RABGAP1: variants seen among roughly 807,000 people sequenced by gnomAD.
The protein encoded by RABGAP1 is RAB GTPase activating protein 1, also known as rab GTPase-activating protein 1.
A neutral mutation model predicts 137.6 loss-of-function variants in RABGAP1; 23 were observed. That is an observed-to-expected ratio of 0.17 (90% CI 0.12 to 0.24). RABGAP1 has a LOEUF of 0.24. Among genes scored for constraint, RABGAP1 ranks in the 10% least tolerant of loss-of-function variants. The pLI, the probability that RABGAP1 is intolerant of heterozygous loss-of-function variation, is 1.00. For synonymous variants in RABGAP1, 451 were observed against 450.7 expected (o/e 1.00, Z -0.01); for missense variants, 906 against 1,275.8 (o/e 0.71, Z 4.42).
intron 13 of RABGAP1, among the ~76,000 whole-genome samples, chr9:123,053,345 A>G (rs2033566749): frequency 6.6e-6 from 1 of 152,158 alleles, no homozygotes; most frequent in Admixed American, 6.5e-5. Context: ...TTCCAAACAT[A>G]TGAAATGAAA....
chr9:123,079,995 A>G (rs934096683), intron 19 of RABGAP1, among the ~76,000 whole-genome samples: 19 of 152,198 alleles, frequency 1.2e-4, no homozygotes, highest in African/African-American at 4.6e-4. Flanking sequence ...GAATAAATAC[A>G]CTGTTGAGTG....
chr9:123,027,344 G>A (rs111387543), intron 13 of RABGAP1, among the ~76,000 whole-genome samples: 4 of 152,152 alleles, frequency 2.6e-5, no homozygotes, highest in Non-Finnish European at 2.9e-5. Context: ...TCGATCTCTT[G>A]ACCTTGTGAT....
chr9:122,992,173 A>G (rs1378314748), intron 6 of RABGAP1, among the ~76,000 whole-genome samples: 2 of 151,900 alleles, frequency 1.3e-5, no homozygotes, highest in Non-Finnish European at 2.9e-5. Context: ...AGTAGCTGGG[A>G]TTACAAGCAT....
intron 2 of RABGAP1, among the ~76,000 whole-genome samples, chr9:122,969,018 C>G (rs1835326798): frequency 6.6e-6 from 1 of 152,100 alleles, no homozygotes; most frequent in Non-Finnish European, 1.5e-5. Flanking sequence ...TCATCTTTAC[C>G]AGAAAGAAAT....
intron 13 of RABGAP1, among the ~76,000 whole-genome samples, chr9:123,051,629 A>G (rs188229109): frequency 3.0e-3 from 451 of 152,130 alleles, no homozygotes; most frequent in African/African-American, 0.01. Flanking sequence ...TGTTTTTCAT[A>G]AACACTGAGC....
chr9:123,082,253 A>G (rs950843802), intron 19 of RABGAP1, among the ~76,000 whole-genome samples: 2 of 152,120 alleles, frequency 1.3e-5, no homozygotes, highest in African/African-American at 2.4e-5. Flanking sequence ...CTAAACTAAA[A>G]TTTAACAGTG....
At chr9:123,006,555 C>T (rs532758772) in intron 10 of RABGAP1, among the ~76,000 whole-genome samples, 2 of 152,190 alleles carry the variant, frequency 1.3e-5, no homozygotes, top group South Asian at 4.1e-4. Flanking sequence ...ATATTCTGTT[C>T]CTCTGGTCTT....
intron 13 of RABGAP1, among the ~76,000 whole-genome samples, chr9:123,041,955 A>T (rs968733106): frequency 3.3e-5 from 5 of 152,196 alleles, no homozygotes; most frequent in Middle Eastern, 6.8e-3. Flanking sequence ...TCCCCATCCC[A>T]CCTGAATCCC....
chr9:123,003,532 T>TA (rs1295896828), intron 10 of RABGAP1, among the ~76,000 whole-genome samples: 1 of 152,238 alleles, frequency 6.6e-6, no homozygotes, highest in Non-Finnish European at 1.5e-5. Flanking sequence ...ATATACAACA[T>TA]ACAGCATTTC....
At chr9:123,037,749 A>C (rs549203133) in intron 13 of RABGAP1, among the ~76,000 whole-genome samples, 1 of 152,184 alleles carries the variant, frequency 6.6e-6, no homozygotes, top group African/African-American at 2.4e-5. Context: ...GTTGGGAGAG[A>C]GGAGATGCTC....
At chr9:122,993,308 G>C (rs887295568) in intron 6 of RABGAP1, among the ~76,000 whole-genome samples, 2 of 152,020 alleles carry the variant, frequency 1.3e-5, no homozygotes, top group East Asian at 1.9e-4. Flanking sequence ...TTTTCCTCTT[G>C]TCACTCAGGC....
chr9:123,090,913 T>TAA (rs1187517900), intron 21 of RABGAP1, among the ~76,000 whole-genome samples: 1 of 152,240 alleles, frequency 6.6e-6, no homozygotes, highest in African/African-American at 2.4e-5. Context: ...AACCCTTTTC[T>TAA]ATTTTCTGTA....
At chr9:123,091,958 A>G (rs1406479499) in intron 21 of RABGAP1, among the ~76,000 whole-genome samples, 4 of 152,082 alleles carry the variant, frequency 2.6e-5, no homozygotes, top group Admixed American at 2.6e-4. Context: ...GTGTACATGG[A>G]GCAGGGACTA....
intron 2 of RABGAP1, among the ~76,000 whole-genome samples, chr9:122,959,159 A>T (rs1350695991): frequency 6.6e-6 from 1 of 152,144 alleles, no homozygotes; most frequent in Non-Finnish European, 1.5e-5. Flanking sequence ...GCCCAAATGA[A>T]GTGAGGAGGA....
intron 4 of RABGAP1, among the ~76,000 whole-genome samples, chr9:122,987,973 A>G (rs953927752): frequency 6.6e-6 from 1 of 152,226 alleles, no homozygotes; most frequent in Non-Finnish European, 1.5e-5. Context: ...ACAGAGTAAT[A>G]GCTGTGTGTT....
In RABGAP1 at chr9:123,070,268, T is replaced by C; in HGVS notation, c.1909-82T>C. ...GTGTGGGTAGCATCCTCCAGGGTTC[T>C]GTATTCAAGGTCCTATAGTGCCACC... On this transcript the variant is annotated intron_variant, in intron 14 of 25. Transcript: ENST00000373647. This position sits in a 1 kb window ranked among gnomAD's most constrained non-coding sequence, Gnocchi z 4.4. 6.3e-7 allele frequency: 1 copy of C among 1,589,776 alleles called. No individual in the cohort carries two copies. Among genetic ancestry groups the C allele is most frequent in the South Asian group, 1.2e-5 (1 of 86,832 alleles).
At chr9:123,035,479 A>G (rs764771662) in intron 13 of RABGAP1, 55 of 1,613,976 alleles carry the variant, frequency 3.4e-5, no homozygotes, top group Admixed American at 6.7e-5. Flanking sequence ...TGTAATTTAT[A>G]GTCTCTCCAA....
chr9:122,957,330 TC>T, intron 2 of RABGAP1, 121 bp downstream of exon 2: 4 of 761,004 alleles, frequency 5.3e-6, no homozygotes, highest in Non-Finnish European at 7.5e-6. Flanking sequence ...TACTTCTTTT[TC>T]TTTAAAGAAT....
At chr9:123,100,202 A>G (rs2035299774) in intron 24 of RABGAP1, among the ~76,000 whole-genome samples, 1 of 152,124 alleles carries the variant, frequency 6.6e-6, no homozygotes, top group African/African-American at 2.4e-5. Flanking sequence ...TTCTACCTGT[A>G]TTACAGAACT....
Sources: allele counts gnomAD v4.1 joint callset (sites outside exome capture counted in the v4.1 genomes callset), GRCh38; gene constraint gnomAD v4.1.1; non-coding constraint Gnocchi (gnomAD v3.1); transcripts MANE v1.5; gene names NCBI Gene and HGNC (gene_info 2026-07-23, HGNC 2026-07-21).